DSG4: variants seen among roughly 807,000 people sequenced by gnomAD.
The protein encoded by DSG4 is desmoglein-4.
A neutral mutation model predicts 93.1 loss-of-function variants in DSG4; 87 were observed. That is an observed-to-expected ratio of 0.93 (90% CI 0.79 to 1.12). The LOEUF (loss-of-function observed/expected upper bound fraction) is 1.12. Ranked by LOEUF, DSG4 falls within the 50% of genes most tolerant of loss-of-function variation. The probability of loss-of-function intolerance (pLI) is 0.00; values close to 1 mark genes in which losing one functional copy is unlikely to be tolerated. For synonymous variants in DSG4, 432 were observed against 452.9 expected, an observed-to-expected ratio of 0.95 and a Z score of 0.59; for missense variants, 1,373 against 1,285.7, an observed-to-expected ratio of 1.07 and a Z score of -1.04.
chr18:31,397,991 C>A (rs1255387446), intron 8 of DSG4, among the ~76,000 whole-genome samples: 8 of 139,162 alleles, frequency 5.7e-5, no homozygotes, highest in African/African-American at 2.2e-4. Flanking sequence ...TGTGCCACTG[C>A]ACTCCAGCCT....
In DSG4 at chr18:31,392,651, T is replaced by C. The variant is rs143589940; in HGVS notation, c.1005+311T>C. Among the ~76,000 whole-genome samples, 1,130 of 152,244 alleles carry C rather than the reference T, an allele frequency of 7.4e-3. 14 individuals are homozygous for C. Among genetic ancestry groups the C allele is most frequent in the South Asian group, 0.019 (92 of 4,824 alleles). Reference sequence around the variant, plus strand: ...CACAGTGCAATAAATAATACAGATGTCATGATATAAAACATAATTAATTGC... The same window carrying C: ...CACAGTGCAATAAATAATACAGATGCCATGATATAAAACATAATTAATTGC... On this transcript the variant is annotated intron_variant, in intron 8 of 15. Transcript: ENST00000308128.
Position 31,392,333 on chromosome 18 carries a change from T to A in DSG4, c.998T>A (p.Val333Asp). The A allele has an allele frequency of 6.2e-7, 1 of 1,613,616 alleles. No homozygotes were observed. The highest frequency in any genetic ancestry group is 1.1e-5 in the South Asian group (1 of 91,056). The change falls in exon 8 of 16, where the codon GTT (valine) becomes GAT (aspartate). Residue 333 changes from valine (V) to aspartate (D), a missense_variant. Coordinates refer to ENST00000308128, the MANE Select transcript of DSG4 (RefSeq NM_177986.5). Reference sequence around the variant, plus strand: ...CAAACCAATGAAGGCATTTTGAAAGTTGTCAAGGTACAGTATAAGGATCTG... The same window carrying A: ...CAAACCAATGAAGGCATTTTGAAAGATGTCAAGGTACAGTATAAGGATCTG... Reference protein sequence around the residue: ...DPQTNEGILKVVKMLDYEQAP... With the variant: ...DPQTNEGILKDVKMLDYEQAP...
chr18:31,386,866 AAGCTTTCAAAT>A lies in DSG4; in HGVS notation c.216+49_216+59del, dbSNP rs1205206855. ...TGACAAATGCTTTTGCAGAGCAGGG[AAGCTTTCAAAT>A]ATCTCCAAGATTTGCAGGCTTCACT... On this transcript the variant is annotated intron_variant, in intron 3 of 15. Transcript: ENST00000308128. 8 of 1,610,722 alleles carry A rather than the reference AAGCTTTCAAAT, an allele frequency of 5.0e-6. No homozygotes were observed. In the African/African-American group the frequency reaches 1.1e-4, roughly 22 times the overall value.
chr18:31,412,428 T>C (rs961332428), intron 15 of DSG4, among the ~76,000 whole-genome samples: 8 of 152,156 alleles, frequency 5.3e-5, no homozygotes, highest in Non-Finnish European at 1.2e-4. Context: ...ACTGTTAGAA[T>C]GAAGAAGATC....
rs747837565 is a variant in DSG4, at chr18:31,382,484, T to G, written c.49-2652T>G. On this transcript the variant is annotated intron_variant, in intron 1 of 15. Transcript: ENST00000308128. Reference sequence around the variant, plus strand: ...TAGGCAAGGAATTTCCACCATTACCTAGGAGTCCATGACTACTTTTCACGG... The same window carrying G: ...TAGGCAAGGAATTTCCACCATTACCGAGGAGTCCATGACTACTTTTCACGG... 4 of 152,260 alleles carry G rather than the reference T, an allele frequency of 2.6e-5. No individual in the cohort carries two copies. In the East Asian group the frequency reaches 7.7e-4, roughly 29 times the overall value. 9.4% of individuals were successfully genotyped at this position (152,260 alleles called of 1,614,324 possible). A position where few individuals can be genotyped will look rare whatever the true frequency, so the allele number is the denominator to read the frequency against.
At chr18:31,387,033 C>G (rs772031290) in intron 3 of DSG4, among the ~76,000 whole-genome samples, 1 of 152,148 alleles carries the variant, frequency 6.6e-6, no homozygotes, top group Non-Finnish European at 1.5e-5. Flanking sequence ...GAAGAAAGGG[C>G]TGGATCTCCA....
At chr18:31,384,287 T>A (rs978881555) in intron 1 of DSG4, among the ~76,000 whole-genome samples, 1 of 151,664 alleles carries the variant, frequency 6.6e-6, no homozygotes, top group African/African-American at 2.4e-5. Context: ...GTTTGCTCAA[T>A]TGTGATGCTA....
Position 31,391,076 on chromosome 18 carries a change from A to G in DSG4, c.685-2A>G. 6.2e-7 allele frequency: 1 copy of G among 1,613,634 alleles called. No homozygotes were observed. Among genetic ancestry groups the G allele is most frequent in the Non-Finnish European group, 8.5e-7 (1 of 1,179,702 alleles). On this transcript the variant is annotated splice_acceptor_variant, in intron 6 of 15. Coordinates refer to ENST00000308128, the MANE Select transcript of DSG4 (RefSeq NM_177986.5). LOFTEE classifies it high-confidence loss of function. ...CTTACGTTCTTTTTCATCTTGATTA[A>G]GCAACACAGTATGTACAACCTGGTT...
At chr18:31,381,183 A>G (rs141996918) in intron 1 of DSG4, among the ~76,000 whole-genome samples, 30 of 152,272 alleles carry the variant, frequency 2.0e-4, no homozygotes, top group African/African-American at 7.0e-4. Context: ...TTTCCCACCC[A>G]CATGTTGATG....
Position 31,406,139 on chromosome 18 carries a change from C to G in DSG4, c.1699C>G (p.Leu567Val). 1 of 1,614,092 alleles carries G rather than the reference C, an allele frequency of 6.2e-7. No homozygotes were observed. Among genetic ancestry groups the G allele is most frequent in the Non-Finnish European group, 8.5e-7 (1 of 1,180,022 alleles). The part of the protein sequence containing the change: ...LSPGFYEIPI[L>V]VKDSYNRACE... ...TCCAGGATTTTATGAAATCCCAATC[C>G]TGGTGAAGGACAGCTATAACAGAGC... Residue 567 changes from leucine to valine, a missense_variant, in exon 12 of 16, where the codon CTG (leucine) becomes GTG (valine). By Grantham distance (32) the Leu-to-Val change is conservative (BLOSUM62 1). Coordinates refer to ENST00000308128, the MANE Select transcript of DSG4 (RefSeq NM_177986.5).
rs1598750150 is a variant in DSG4, at chr18:31,405,999, G to A, written c.1637-78G>A. 3.3e-6 allele frequency: 5 copies of A among 1,528,452 alleles called. No homozygotes were observed. In the East Asian group the frequency reaches 9.0e-5, roughly 28 times the overall value. The allele number at this position is 1,528,452 out of a possible 1,614,324, so 94.7% of individuals were successfully genotyped here. ...ATCTAGTGTTTTAAGTCAATATTTG[G>A]TATTAGGGAGAGTTAACCACCCCCC... On this transcript the variant is annotated intron_variant, in intron 11 of 15. Transcript: ENST00000308128.
At chr18:31,399,173 G>T in intron 8 of DSG4, 99 bp from the exon 9 acceptor site, 1 of 1,489,536 alleles carries the variant, frequency 6.7e-7, no homozygotes. Flanking sequence ...GTATCTCCTG[G>T]ACCTTATTCT....
At chr18:31,380,635 A>G (rs757101628) in intron 1 of DSG4, among the ~76,000 whole-genome samples, 2 of 152,208 alleles carry the variant, frequency 1.3e-5, no homozygotes, top group Non-Finnish European at 2.9e-5. Context: ...GAACTTGGCA[A>G]CTCTACCATA....
chr18:31,396,561 G>A (rs1462257872), intron 8 of DSG4, among the ~76,000 whole-genome samples: 2 of 151,896 alleles, frequency 1.3e-5, no homozygotes, highest in East Asian at 3.9e-4. Context: ...CACCATTGCT[G>A]GCCAGGCTGG....
Position 31,409,774 on chromosome 18 carries a change from A to C in DSG4, c.2103A>C (p.Thr701=). ...TGTCAAATATATGTGCACCCATGACAGCCTCAAATACCCAGGATCGGATGG... is the reference window on the plus strand; with the variant it reads ...TGTCAAATATATGTGCACCCATGACCGCCTCAAATACCCAGGATCGGATGG... ...RDVSNICAPM[T]ASNTQDRMDS... is the part of the protein sequence containing the mutation. The change falls in exon 14 of 16, where the codon ACA becomes ACC. Residue 701 remains threonine (T), a synonymous_variant. Transcript: ENST00000308128. 1 of 1,614,216 alleles carries C rather than the reference A, an allele frequency of 6.2e-7. No individual in the cohort carries two copies. Among genetic ancestry groups the C allele is most frequent in the Non-Finnish European group, 8.5e-7 (1 of 1,180,042 alleles).
chr18:31,413,998 A>G lies in DSG4; in HGVS notation c.*403A>G, dbSNP rs2072529216. ...ACCAGCCATATTTTTCGTTAGGGAA[A>G]TATTTATATTAAAATTTTTAATTGA... On this transcript the variant is annotated 3_prime_UTR_variant, in exon 16 of 16. Transcript: ENST00000308128. The G allele has an allele frequency of 6.3e-6, 1 of 159,718 alleles. No individual in the cohort carries two copies. The highest frequency in any genetic ancestry group is 1.4e-5 in the Non-Finnish European group (1 of 72,344). The allele number at this position is 159,718 out of a possible 1,614,324, so 9.9% of individuals were successfully genotyped here. A position where few individuals can be genotyped will look rare whatever the true frequency, so the allele number is the denominator to read the frequency against.
rs764648086 is a variant in DSG4, at chr18:31,392,289, C to A, written c.954C>A (p.Phe318Leu). The A allele has an allele frequency of 8.1e-6, 13 of 1,613,466 alleles. No homozygotes were observed. In the African/African-American group the frequency reaches 1.6e-4, roughly 20 times the overall value. Residue 318 changes from phenylalanine to leucine, a missense_variant, in exon 8 of 16, where the codon TTC becomes TTA. Phe to Leu is a conservative substitution (Grantham distance 22). Transcript: ENST00000308128. ...LILSGNDGNW[F>L]DIQTDPQTNE... ...TCTCTGGAAATGATGGGAATTGGTT[C>A]GATATTCAAACAGATCCACAAACCA...
At chr18:31,385,469 A>G (rs1179050916) in intron 2 of DSG4, among the ~76,000 whole-genome samples, 1 of 152,196 alleles carries the variant, frequency 6.6e-6, no homozygotes, top group African/African-American at 2.4e-5. Context: ...GTGACACTTT[A>G]GAGTGGGAAG....
chr18:31,406,355 G>A lies in DSG4; in HGVS notation c.1915G>A (p.Gly639Ser). The change falls in exon 12 of 16, where the codon GGC (glycine) becomes AGC (serine). Residue 639 changes from glycine to serine, a missense_variant. Coordinates refer to ENST00000308128, the MANE Select transcript of DSG4 (RefSeq NM_177986.5). ...AGCAGGGATTGGCATGATGGTTCTG[G>A]GCATCCTGCTACTGATTTGTAAGTA... ...GPAGIGMMVL[G>S]ILLLILAPLL... 6.2e-7 allele frequency: 1 copy of A among 1,614,116 alleles called. No individual in the cohort carries two copies. Among genetic ancestry groups the A allele is most frequent in the Non-Finnish European group, 8.5e-7 (1 of 1,180,028 alleles).
Sources: gnomAD v4.1 joint callset for allele counts (sites outside exome capture counted in the v4.1 genomes callset) on GRCh38, gnomAD v4.1.1 for gene constraint, MANE v1.5 for transcripts, NCBI Gene and HGNC (gene_info 2026-07-23, HGNC 2026-07-21) for gene names.